Variants in ADNP2 observed in about 807,000 individuals in gnomAD.
ADNP2 encodes the protein ADNP homeobox 2.
Under a neutral mutation model 16.4 loss-of-function variants are expected in ADNP2, and 8 were observed. That is an observed-to-expected ratio of 0.49 (90% confidence interval 0.29 to 0.88). The LOEUF (loss-of-function observed/expected upper bound fraction) is 0.88. ADNP2 is among the 40% of genes least tolerant of loss of function. ADNP2 has a pLI of 0.09. For synonymous variants in ADNP2, 637 were observed against 545.8 expected (o/e 1.17, Z -2.33); for missense variants, 1,397 against 1,395.1 (o/e 1.00, Z -0.02).
intron 2 of ADNP2, among the ~76,000 whole-genome samples, chr18:80,122,384 G>T (rs2052430525): frequency 1.3e-5 from 2 of 152,174 alleles, no homozygotes; most frequent in African/African-American, 2.4e-5. Context: ...TTTCTGCAAA[G>T]AAGACTCTTA....
At position 80,138,341 on chromosome 18, in the gene ADNP2, T is replaced by A. The variant is rs772157181; in HGVS notation, c.2928T>A (p.Val976=). 5.6e-6 allele frequency: 9 copies of A among 1,613,970 alleles called. No homozygotes were observed. Among genetic ancestry groups the A allele is most frequent in the Admixed American group, 5.0e-5 (3 of 60,004 alleles). Residue 976 remains valine (V), a synonymous_variant, in exon 4 of 4, where the codon GTT becomes GTA. Coordinates refer to ENST00000262198, the MANE Select transcript of ADNP2 (RefSeq NM_014913.4). The part of the protein sequence containing the change: ...GEVMHDSSFS[V]KRKLPDGHLG... ...TGATGCATGATTCCAGTTTTTCTGTTAAGAGAAAGCTGCCTGACGGCCACT... is the reference window on the plus strand; with the variant it reads ...TGATGCATGATTCCAGTTTTTCTGTAAAGAGAAAGCTGCCTGACGGCCACT...
rs2145219397 is a variant in ADNP2 at position 80,138,413 on chromosome 18, A to G, written c.3000A>G (p.Leu1000=). ...QRHGEEQPPI[L]NADAAPGPEK... is the part of the protein sequence containing the mutation. Reference sequence around the variant, plus strand: ...ATGGGGAGGAGCAGCCTCCCATCCTAAATGCCGATGCAGCCCCGGGTCCAG... The same window carrying G: ...ATGGGGAGGAGCAGCCTCCCATCCTGAATGCCGATGCAGCCCCGGGTCCAG... Residue 1000 remains leucine, a synonymous_variant, in exon 4 of 4, where the codon CTA becomes CTG. Coordinates refer to ENST00000262198, the MANE Select transcript of ADNP2 (RefSeq NM_014913.4). The G allele has an allele frequency of 6.2e-7, 1 of 1,614,062 alleles. No individual in the cohort carries two copies. The highest frequency in any genetic ancestry group is 1.6e-4 in the Middle Eastern group (1 of 6,062).
chr18:80,113,284 G>C (rs1244719510), intron 1 of ADNP2, among the ~76,000 whole-genome samples: 2 of 152,086 alleles, frequency 1.3e-5, no homozygotes, highest in Non-Finnish European at 2.9e-5. Flanking sequence ...GCTGAGACCA[G>C]GATACATTTT....
intron 2 of ADNP2, among the ~76,000 whole-genome samples, chr18:80,127,360 T>TA (rs1555729665): frequency 3.4e-5 from 5 of 148,992 alleles, no homozygotes; most frequent in Admixed American, 2.0e-4. Context: ...TTTTTTTTTT[T>TA]AACCATTCCC....
intron 2 of ADNP2, among the ~76,000 whole-genome samples, chr18:80,128,758 G>A (rs937039514): frequency 4.6e-5 from 7 of 152,126 alleles, no homozygotes; most frequent in Non-Finnish European, 8.8e-5. Flanking sequence ...AGAGTTAAAG[G>A]TAATTGTATT....
chr18:80,132,210 T>C (rs1201485359), intron 2 of ADNP2, among the ~76,000 whole-genome samples: 1 of 152,212 alleles, frequency 6.6e-6, no homozygotes, highest in Non-Finnish European at 1.5e-5. Flanking sequence ...TAAAGGGTAC[T>C]CCATCAAAAC....
At chr18:80,128,741 C>G (rs1276197003) in intron 2 of ADNP2, among the ~76,000 whole-genome samples, 2 of 152,064 alleles carry the variant, frequency 1.3e-5, no homozygotes, top group African/African-American at 4.8e-5. Flanking sequence ...AAGCTACATA[C>G]TAGCGTAGAG....
intron 1 of ADNP2, among the ~76,000 whole-genome samples, chr18:80,112,666 C>G (rs555876440): frequency 6.6e-6 from 1 of 152,346 alleles, no homozygotes; most frequent in South Asian, 2.1e-4. Flanking sequence ...GACCCCTGCC[C>G]AATCTCTGAG....
chr18:80,119,628 G>T (rs986467168), intron 2 of ADNP2, among the ~76,000 whole-genome samples: 13 of 152,146 alleles, frequency 8.5e-5, no homozygotes, highest in Non-Finnish European at 1.6e-4. Context: ...GGCTGTTCTT[G>T]TCAGTAGCCT....
Position 80,137,018 on chromosome 18 carries a change from C to T in ADNP2, c.1605C>T (p.Asn535=). 6.2e-7 allele frequency: 1 copy of T among 1,614,092 alleles called. No homozygotes were observed. The highest frequency in any genetic ancestry group is 8.5e-7 in the Non-Finnish European group (1 of 1,180,022). ...TVSSSAVVPV[N]QGVNSGVLQL... ...CCTCCTCAGCTGTTGTGCCTGTAAA[C>T]CAGGGTGTGAATTCTGGTGTTCTGC... The change falls in exon 4 of 4, where the codon AAC becomes AAT. Residue 535 remains asparagine (N), a synonymous_variant. Transcript: ENST00000262198. The surrounding 1 kb of genome is among the most constrained non-coding windows in gnomAD (Gnocchi z 4.2).
intron 2 of ADNP2, among the ~76,000 whole-genome samples, chr18:80,128,034 TTC>T (rs1466338692): frequency 6.6e-6 from 1 of 152,260 alleles, no homozygotes; most frequent in East Asian, 1.9e-4. Flanking sequence ...AGTAGCTTAC[TTC>T]TTTTGTCTAT....
intron 2 of ADNP2, among the ~76,000 whole-genome samples, chr18:80,119,369 G>T (rs537403242): frequency 6.8e-6 from 1 of 147,208 alleles, no homozygotes; most frequent in East Asian, 2.0e-4. Context: ...CTGAGATGGC[G>T]CCACTGCATT....
chr18:80,135,374 CA>C (rs1289247666), intron 3 of ADNP2, among the ~76,000 whole-genome samples: 1 of 152,118 alleles, frequency 6.6e-6, no homozygotes, highest in Admixed American at 6.5e-5. Context: ...GACTTTTGTA[CA>C]ACAATGGCAG....
At position 80,138,314 on chromosome 18, in the gene ADNP2, A is replaced by G; in HGVS notation, c.2901A>G (p.Glu967=). 8.1e-6 allele frequency: 13 copies of G among 1,614,146 alleles called. No homozygotes were observed. The highest frequency in any genetic ancestry group is 1.1e-5 in the South Asian group (1 of 91,090). The change falls in exon 4 of 4, where the codon GAA becomes GAG. Residue 967 remains glutamate, a synonymous_variant. Coordinates refer to ENST00000262198, the MANE Select transcript of ADNP2 (RefSeq NM_014913.4). ...HNSELLLVSG[E]VMHDSSFSVK... is the part of the protein sequence containing the mutation. ...GTGAACTGCTTTTAGTCAGTGGTGA[A>G]GTGATGCATGATTCCAGTTTTTCTG... is the stretch of plus-strand genomic sequence containing the variant.
rs1483042014 is a variant in ADNP2 at position 80,135,560 on chromosome 18, A to G, written c.199-52A>G. ...AAGTCCTCAGGGACTGTGGAAGGTT[A>G]GCATCTGACAGTTTATTCAATTATG... On this transcript the variant is annotated intron_variant, in intron 3 of 3. Coordinates refer to ENST00000262198, the MANE Select transcript of ADNP2 (RefSeq NM_014913.4). 6 of 1,484,614 alleles carry G rather than the reference A, an allele frequency of 4.0e-6. No individual in the cohort carries two copies. The African/African-American group carries it at 5.6e-5, about 14-fold the overall frequency. 92.0% of individuals were successfully genotyped at this position (1,484,614 alleles called of 1,614,324 possible). A position where few individuals can be genotyped will look rare whatever the true frequency, so the allele number is the denominator to read the frequency against.
chr18:80,134,233 A>G (rs1009883820), intron 3 of ADNP2, among the ~76,000 whole-genome samples: 2 of 152,024 alleles, frequency 1.3e-5, no homozygotes, highest in African/African-American at 4.8e-5. Flanking sequence ...AATATCTCGT[A>G]ATGTAACTCC....
chr18:80,120,913 T>G (rs34963882), intron 2 of ADNP2, among the ~76,000 whole-genome samples: 27,504 of 152,144 alleles, frequency 0.18, 2,757 homozygotes, highest in Middle Eastern at 0.25. Context: ...TCACCTTTTG[T>G]CTCTTGTGAA....
At position 80,133,185 on chromosome 18, in the gene ADNP2, A is replaced by G. The variant is rs1192769503; in HGVS notation, c.191A>G (p.Lys64Arg). ...GDVSLWEPSGKKVRYRTKPYC... is the reference protein window; with the variant it reads ...GDVSLWEPSGRKVRYRTKPYC... ...GTTTCTCTCTGGGAACCTTCTGGAA[A>G]GAAAGTGGTATGTATTTTTTGCATT... Residue 64 changes from lysine to arginine, a missense_variant, in exon 3 of 4, where the codon AAG (lysine) becomes AGG (arginine). Lys to Arg is a conservative substitution (Grantham distance 26). Around this residue, in one of 3 missense-constraint regions of ADNP2, gnomAD observed 777 missense variants for 719.4 expected, o/e 1.08. Coordinates refer to ENST00000262198, the MANE Select transcript of ADNP2 (RefSeq NM_014913.4). The G allele has an allele frequency of 1.9e-6, 3 of 1,611,614 alleles. No homozygotes were observed. Among genetic ancestry groups the G allele is most frequent in the East Asian group, 4.5e-5 (2 of 44,872 alleles).
chr18:80,126,251 T>G, intron 2 of ADNP2, among the ~76,000 whole-genome samples: 1 of 139,234 alleles, frequency 7.2e-6, no homozygotes, highest in South Asian at 2.1e-4. Context: ...TTCCAGCCTT[T>G]GTTCTGTTGT....
Sources: allele counts gnomAD v4.1 joint callset (sites outside exome capture counted in the v4.1 genomes callset), GRCh38; gene constraint gnomAD v4.1.1; regional missense constraint gnomAD v4.1.1; non-coding constraint Gnocchi (gnomAD v3.1); transcripts MANE v1.5; gene names NCBI Gene and HGNC (gene_info 2026-07-23, HGNC 2026-07-21).